The following MEGF8 variants were observed in gnomAD, a reference collection of about 807,000 sequenced individuals.
MEGF8 encodes the protein multiple epidermal growth factor-like domains protein 8.
MEGF8 carries 156 observed loss-of-function variants against 302.9 expected under a neutral mutation model. The ratio of observed to expected loss-of-function variants is 0.52; its 90% CI spans 0.45 to 0.59. The LOEUF is 0.59. MEGF8 is among the 20% of genes least tolerant of loss of function. The pLI is 0.00. For synonymous variants in MEGF8, 1,621 were observed against 1,660.5 expected (o/e 0.98, Z 0.58); for missense variants, 3,345 against 3,964.5 (o/e 0.84, Z 4.20).
intron 1 of MEGF8, among the ~76,000 whole-genome samples, chr19:42,328,766 T>A (rs905677908): frequency 6.6e-6 from 1 of 151,866 alleles, no homozygotes. Flanking sequence ...AGAAACCCCC[T>A]CTCTACTAAA....
At position 42,359,118 on chromosome 19, in the gene MEGF8, C is replaced by T. The variant is rs1038902556; in HGVS notation, c.5364C>T (p.His1788=). 52 of 1,549,976 alleles carry T rather than the reference C, an allele frequency of 3.4e-5. 1 individual carries two copies. Among genetic ancestry groups the T allele is most frequent in the Middle Eastern group, 2.0e-4 (1 of 5,100 alleles). ...AACAGCCCCGCCCCCGGCTTTTCCACGCCTCAGCCCTGTTAGGGGACACCA... is the reference window on the plus strand; with the variant it reads ...AACAGCCCCGCCCCCGGCTTTTCCATGCCTCAGCCCTGTTAGGGGACACCA... ...HLKEPRPRLF[H]ASALLGDTMV... Residue 1788 remains histidine, a synonymous_variant, in exon 31 of 42, where the codon CAC becomes CAT. Transcript: ENST00000251268.
At position 42,353,479 on chromosome 19, in the gene MEGF8, G is replaced by T. The variant is rs1326671024; in HGVS notation, c.3565G>T (p.Glu1189Ter). ...CDECQDWTWG[E>*]HCERCRPGSF... is the part of the protein sequence containing the mutation. ...GGCCTCCACAGACTGGACATGGGGG[G>T]AGCACTGCGAACGATGCCGGCCCGG... is the stretch of plus-strand genomic sequence containing the variant. The change falls in exon 21 of 42, where the codon GAG becomes TAG. Residue 1189 changes from glutamate to a stop codon, truncating the protein, a stop_gained. Coordinates refer to ENST00000251268, the MANE Select transcript of MEGF8 (RefSeq NM_001271938.2). LOFTEE classifies it high-confidence loss of function. This position sits in a 1 kb window ranked among gnomAD's most constrained non-coding sequence, Gnocchi z 6.1. 6.2e-7 allele frequency: 1 copy of T among 1,610,578 alleles called. No homozygotes were observed. The highest frequency in any genetic ancestry group is 2.2e-5 in the East Asian group (1 of 44,832).
intron 1 of MEGF8, among the ~76,000 whole-genome samples, chr19:42,331,588 A>G (rs1362206700): frequency 1.3e-5 from 2 of 149,920 alleles, no homozygotes; most frequent in Non-Finnish European, 3.0e-5. Context: ...TTTTTTTTTG[A>G]AACAGAGTTT....
At chr19:42,327,968 G>C (rs2039006773) in intron 1 of MEGF8, among the ~76,000 whole-genome samples, 1 of 152,182 alleles carries the variant, frequency 6.6e-6, no homozygotes, top group South Asian at 2.1e-4. Context: ...GATGGCGCGC[G>C]CCTGTAGTCC....
Position 42,375,250 on chromosome 19 carries a change from A to G in MEGF8, c.7270-257A>G, listed in dbSNP as rs2039749095. Among the ~76,000 whole-genome samples the G allele has an allele frequency of 6.6e-6, 1 of 152,194 alleles. No individual in the cohort carries two copies. The highest frequency in any genetic ancestry group is 2.4e-5 in the African/African-American group (1 of 41,446). The stretch of plus-strand genomic sequence containing the variant: ...CTTCACTGCTGTGCCTCAGAGTGCC[A>G]GAGGCCTCAGTATCAGGGTGCTCAG... On this transcript the variant is annotated intron_variant, in intron 41 of 41. Coordinates refer to ENST00000251268, the MANE Select transcript of MEGF8 (RefSeq NM_001271938.2). This position sits in a 1 kb window ranked among gnomAD's most constrained non-coding sequence, Gnocchi z 7.1.
rs2039450517 is a variant in MEGF8 at position 42,356,217 on chromosome 19, T to TA, written c.4503+25dup. The TA allele has an allele frequency of 6.6e-7, 1 of 1,516,732 alleles. No individual in the cohort carries two copies. Among genetic ancestry groups the TA allele is most frequent in the Non-Finnish European group, 8.9e-7 (1 of 1,127,388 alleles). The allele number at this position is 1,516,732 out of a possible 1,614,324, so 94.0% of individuals were successfully genotyped here. On this transcript the variant is annotated intron_variant, in intron 25 of 41. Transcript: ENST00000251268. The surrounding 1 kb of genome is among the most constrained non-coding windows in gnomAD (Gnocchi z 5.2). ...CCGTGAGTTGTGGGTACCCGCTGTC[T>TA]AGGGATGGTTGCTCCCAGGTCGTTC...
At position 42,376,479 on chromosome 19, in the gene MEGF8, G is replaced by A; in HGVS notation, c.8242G>A (p.Gly2748Arg). 6.2e-7 allele frequency: 1 copy of A among 1,600,160 alleles called. No individual in the cohort carries two copies. The highest frequency in any genetic ancestry group is 1.1e-5 in the South Asian group (1 of 89,744). Residue 2748 changes from glycine to arginine, a missense_variant, in exon 42 of 42, where the codon GGA becomes AGA. Gly to Arg is a moderately radical substitution (Grantham distance 125, BLOSUM62 -2). Transcript: ENST00000251268. This position sits in a 1 kb window ranked among gnomAD's most constrained non-coding sequence, Gnocchi z 8.2. ...GGCCGGTGGGCCCTGGGGACCCATG[G>A]GAGGGGGCTGCTGCCCACCAGCCAT... Reference protein sequence around the residue: ...TGAGGPWGPMGGGCCPPAIPA... With the variant: ...TGAGGPWGPMRGGCCPPAIPA...
At chr19:42,360,119 G>A (rs1213373942) in intron 31 of MEGF8, among the ~76,000 whole-genome samples, 2 of 148,294 alleles carry the variant, frequency 1.3e-5, no homozygotes, top group Non-Finnish European at 3.0e-5. Context: ...TACATTGGCT[G>A]CAGCCTGGGT....
chr19:42,373,900 C>T (rs778951390), intron 41 of MEGF8, among the ~76,000 whole-genome samples: 134 of 151,692 alleles, frequency 8.8e-4, no homozygotes, highest in Non-Finnish European at 1.5e-3. Flanking sequence ...ATTTTAAAGA[C>T]GGGGGTCTTA....
At chr19:42,361,940 T>C in intron 32 of MEGF8, 150 bp from the exon 33 acceptor site, 2 of 1,208,750 alleles carry the variant, frequency 1.7e-6, no homozygotes, top group Admixed American at 4.8e-5. Context: ...GGACCATCTA[T>C]TACCAAATGG....
Position 42,359,282 on chromosome 19 carries a change from C to G in MEGF8, c.5488+40C>G, listed in dbSNP as rs1401500611. ...TGGCTCCCAGGAGGCTGAGGGACAT[C>G]CAGGAGGAGCCCCATCCCCATCCTG... On this transcript the variant is annotated intron_variant, in intron 31 of 41. Transcript: ENST00000251268. The G allele has an allele frequency of 2.0e-6, 3 of 1,499,454 alleles. No homozygotes were observed. In the East Asian group the frequency reaches 7.2e-5, roughly 36 times the overall value. 92.9% of individuals were successfully genotyped at this position (1,499,454 alleles called of 1,614,324 possible).
At position 42,362,394 on chromosome 19, in the gene MEGF8, C is replaced by G. The variant is rs759524232; in HGVS notation, c.5855C>G (p.Pro1952Arg). ...LQPGDGEAST[P>R]RCKWCTNCPE... Reference sequence around the variant, plus strand: ...GTCTTCCCTCACCAGGCGTCCACCCCCCGCTGTAAGTGGTGTACCAACTGC... The same window carrying G: ...GTCTTCCCTCACCAGGCGTCCACCCGCCGCTGTAAGTGGTGTACCAACTGC... Residue 1952 changes from proline (P) to arginine (R), a missense_variant, in exon 34 of 42, where the codon CCC (proline) becomes CGC (arginine). Coordinates refer to ENST00000251268, the MANE Select transcript of MEGF8 (RefSeq NM_001271938.2). The G allele has an allele frequency of 2.5e-6, 4 of 1,613,904 alleles. No individual in the cohort carries two copies. Among genetic ancestry groups the G allele is most frequent in the East Asian group, 2.2e-5 (1 of 44,870 alleles).
In MEGF8 at chr19:42,336,773, G is replaced by C; in HGVS notation, c.1245-34G>C. 6.5e-7 allele frequency: 1 copy of C among 1,548,218 alleles called. No individual in the cohort carries two copies. The highest frequency in any genetic ancestry group is 1.2e-5 in the South Asian group (1 of 81,014). On this transcript the variant is annotated intron_variant, in intron 6 of 41. Coordinates refer to ENST00000251268, the MANE Select transcript of MEGF8 (RefSeq NM_001271938.2). This position sits in a 1 kb window ranked among gnomAD's most constrained non-coding sequence, Gnocchi z 4.8. ...TGGAGGAGGGAGAGAGACGCTTCCT[G>C]CCCTGAGCCCCTGCCCTGCTTCTCC...
chr19:42,336,461 C>A lies in MEGF8; in HGVS notation c.1244+115C>A. 1 of 1,054,622 alleles carries A rather than the reference C, an allele frequency of 9.5e-7. No individual in the cohort carries two copies. The highest frequency in any genetic ancestry group is 1.3e-6 in the Non-Finnish European group (1 of 753,066). 65.3% of individuals were successfully genotyped at this position (1,054,622 alleles called of 1,614,324 possible). ...TCGGACTCCTGTGGTCTCTCAGTCA[C>A]TCCTTCCTTCATGTATTTACTTATT... On this transcript the variant is annotated intron_variant, in intron 6 of 41. Transcript: ENST00000251268. This position sits in a 1 kb window ranked among gnomAD's most constrained non-coding sequence, Gnocchi z 4.8.
intron 34 of MEGF8, 73 bp from the exon 35 acceptor site, chr19:42,362,975 G>A (rs1047926920): frequency 4.6e-5 from 61 of 1,317,890 alleles, no homozygotes; most frequent in Non-Finnish European, 6.5e-5. Context: ...CTGAGCTCCT[G>A]GGTCTGAGGG....
Position 42,344,061 on chromosome 19 carries a change from C to G in MEGF8, c.1776C>G (p.Thr592=), listed in dbSNP as rs769487581. Reference sequence around the variant, plus strand: ...GCCAAGCTGCACCCCCTCCTGGGACCCCCTTGGGGGCTGTGAGTGACAGCC... The same window carrying G: ...GCCAAGCTGCACCCCCTCCTGGGACGCCCTTGGGGGCTGTGAGTGACAGCC... The part of the protein sequence containing the change: ...GACQAAPPPG[T]PLGACPAASC... Residue 592 remains threonine, a synonymous_variant, in exon 10 of 42, where the codon ACC becomes ACG. Transcript: ENST00000251268. This position sits in a 1 kb window ranked among gnomAD's most constrained non-coding sequence, Gnocchi z 4.5. 1 of 1,613,410 alleles carries G rather than the reference C, an allele frequency of 6.2e-7. No individual in the cohort carries two copies. Among genetic ancestry groups the G allele is most frequent in the South Asian group, 1.1e-5 (1 of 91,078 alleles).
At chr19:42,326,805 C>G (rs1488116593) in intron 1 of MEGF8, among the ~76,000 whole-genome samples, 1 of 149,350 alleles carries the variant, frequency 6.7e-6, no homozygotes, top group Non-Finnish European at 1.5e-5. Context: ...TGCAATGGTA[C>G]CAACACAATT....
chr19:42,340,199 G>C (rs1488925755), intron 8 of MEGF8, among the ~76,000 whole-genome samples: 1 of 152,190 alleles, frequency 6.6e-6, no homozygotes, highest in African/African-American at 2.4e-5. Flanking sequence ...GCCCAGTGAA[G>C]TGCTCCACAC....
chr19:42,364,056 G>A (rs557089366), intron 35 of MEGF8, among the ~76,000 whole-genome samples: 2 of 152,326 alleles, frequency 1.3e-5, no homozygotes, highest in East Asian at 3.9e-4. Flanking sequence ...TGGCCAGGGA[G>A]GGCTAGGAGC....
Sources: allele counts gnomAD v4.1 joint callset (sites outside exome capture counted in the v4.1 genomes callset), GRCh38; gene constraint gnomAD v4.1.1; non-coding constraint Gnocchi (gnomAD v3.1); transcripts MANE v1.5; gene names NCBI Gene and HGNC (gene_info 2026-07-23, HGNC 2026-07-21).